The following ADGRE1 variants were observed in gnomAD, a reference collection of about 807,000 sequenced individuals.
ADGRE1 encodes EGF-like module receptor 1.
In ADGRE1, 82 loss-of-function variants were observed where a neutral mutation model predicts 102.7. That is an observed-to-expected ratio of 0.80 (90% CI 0.67 to 0.96). ADGRE1 has a LOEUF of 0.96. ADGRE1 is among the 40% of genes least tolerant of loss of function. The probability of loss-of-function intolerance (pLI) is 0.00; values close to 1 mark genes in which losing one functional copy is unlikely to be tolerated. For missense variants in ADGRE1, 1,032 were observed against 1,085.3 expected, an observed-to-expected ratio of 0.95 and a Z score of 0.69; for synonymous variants, 398 against 399.6, an observed-to-expected ratio of 1.00 and a Z score of 0.05.
intron 1 of ADGRE1, 22 bp downstream of exon 1, chr19:6,887,661 G>A (rs1355684718): frequency 6.2e-7 from 1 of 1,605,752 alleles, no homozygotes. Flanking sequence ...GCTGAATGGG[G>A]GGCTAGGGGA....
intron 10 of ADGRE1, among the ~76,000 whole-genome samples, chr19:6,910,830 C>A (rs1225129323): frequency 1.3e-5 from 2 of 152,096 alleles, no homozygotes; most frequent in Admixed American, 6.6e-5. Context: ...ACCTCAGCCT[C>A]CCAAAGTGCT....
At chr19:6,934,217 G>A (rs1350224024) in intron 17 of ADGRE1, among the ~76,000 whole-genome samples, 3 of 152,096 alleles carry the variant, frequency 2.0e-5, no homozygotes, top group Non-Finnish European at 4.4e-5. Context: ...TGGCTAACTA[G>A]GAGCGGGGTA....
In ADGRE1 at chr19:6,906,404, T is replaced by C. The variant is rs778529376; in HGVS notation, c.950-29T>C. ...ATCTTATTTTGCTGAGGTTGAAGTTTGGTTTGGTTGCTGTTGTTTTCTTCC... is the reference window on the plus strand; with the variant it reads ...ATCTTATTTTGCTGAGGTTGAAGTTCGGTTTGGTTGCTGTTGTTTTCTTCC... On this transcript the variant is annotated intron_variant, in intron 8 of 20. Transcript: ENST00000312053. The C allele has an allele frequency of 9.3e-5, 147 of 1,581,636 alleles. 3 individuals carry two copies. In the South Asian group the frequency reaches 1.6e-3, roughly 17 times the overall value.
In ADGRE1 at chr19:6,897,423, C is replaced by T; in HGVS notation, c.395-5C>T. On this transcript the variant is annotated splice_region_variant and splice_polypyrimidine_tract_variant and intron_variant, in intron 4 of 20. Coordinates refer to ENST00000312053, the MANE Select transcript of ADGRE1 (RefSeq NM_001974.5). The stretch of plus-strand genomic sequence containing the variant: ...ATCTGCTCACCCTCTTCCACTGCTT[C>T]TCAGATATCAATGAGTGCCTCACCA... The T allele has an allele frequency of 6.3e-7, 1 of 1,593,236 alleles. No homozygotes were observed. The highest frequency in any genetic ancestry group is 2.2e-5 in the East Asian group (1 of 44,648).
rs112661687 is a variant in ADGRE1, at chr19:6,916,552, T to C, written c.1420+184T>C. 8.1e-3 allele frequency among the ~76,000 whole-genome samples: 1,235 copies of C among 152,204 alleles called. 21 individuals carry two copies. The highest frequency in any genetic ancestry group is 0.028 in the African/African-American group (1,161 of 41,544). ...CAAACATTAAATAACCTTATAATAC[T>C]GGAGTACTGAGACCTTCACTGGCCT... On this transcript the variant is annotated intron_variant, in intron 12 of 20. Coordinates refer to ENST00000312053, the MANE Select transcript of ADGRE1 (RefSeq NM_001974.5).
At chr19:6,931,747 G>A (rs1158670520) in intron 17 of ADGRE1, among the ~76,000 whole-genome samples, 3 of 151,158 alleles carry the variant, frequency 2.0e-5, no homozygotes, top group Non-Finnish European at 4.4e-5. Flanking sequence ...GCAGTGAGCC[G>A]AGATAACATC....
intron 9 of ADGRE1, 28 bp from the exon 10 acceptor site, chr19:6,908,661 G>C (rs761622048): frequency 3.1e-6 from 4 of 1,282,898 alleles, no homozygotes; most frequent in African/African-American, 3.2e-5. Flanking sequence ...GCTCACAAAT[G>C]CTCTTTTTTT....
At chr19:6,931,795 C>CAA (rs60340459) in intron 17 of ADGRE1, among the ~76,000 whole-genome samples, 2 of 145,878 alleles carry the variant, frequency 1.4e-5, no homozygotes, top group Non-Finnish European at 3.0e-5. Context: ...GAGACTGTCT[C>CAA]AAAAAAAAGA....
At chr19:6,920,244 T>TGTTTTA (rs777225544) in intron 13 of ADGRE1, among the ~76,000 whole-genome samples, 1 of 147,894 alleles carries the variant, frequency 6.8e-6, no homozygotes, top group African/African-American at 2.5e-5. Context: ...TTTTTTTTTT[T>TGTTTTA]AGTCTCACTC....
intron 12 of ADGRE1, among the ~76,000 whole-genome samples, chr19:6,917,158 T>TA (rs34657189): frequency 0.2 from 30,156 of 152,172 alleles, 3,082 homozygotes; most frequent in Middle Eastern, 0.31. Context: ...AAACTTTATT[T>TA]AAAAAAGTAG....
chr19:6,927,555 G>A (rs1282495078), intron 16 of ADGRE1, among the ~76,000 whole-genome samples: 3 of 152,176 alleles, frequency 2.0e-5, no homozygotes, highest in Non-Finnish European at 4.4e-5. Flanking sequence ...AGCTCTGCTA[G>A]ATGGATACCA....
At chr19:6,927,136 T>A (rs1974950906) in intron 16 of ADGRE1, among the ~76,000 whole-genome samples, 1 of 152,104 alleles carries the variant, frequency 6.6e-6, no homozygotes, top group Non-Finnish European at 1.5e-5. Flanking sequence ...AAGCAGCTAA[T>A]GTACACTAGA....
chr19:6,893,364 A>T (rs1973443171), intron 2 of ADGRE1, among the ~76,000 whole-genome samples: 1 of 151,118 alleles, frequency 6.6e-6, no homozygotes, highest in African/African-American at 2.4e-5. Flanking sequence ...TGCCTGGCTA[A>T]TTTTTTTTTA....
At chr19:6,887,758 A>G (rs976322957) in intron 1 of ADGRE1, 119 bp downstream of exon 1, 3 of 1,066,640 alleles carry the variant, frequency 2.8e-6, no homozygotes, top group African/African-American at 1.6e-5. Flanking sequence ...TGGATGCTGC[A>G]AACACCTTCA....
intron 5 of ADGRE1, among the ~76,000 whole-genome samples, chr19:6,900,432 C>T (rs1267125852): frequency 6.6e-6 from 1 of 152,162 alleles, no homozygotes; most frequent in Non-Finnish European, 1.5e-5. Flanking sequence ...CTGCAGTGCA[C>T]TATGCTTGCA....
chr19:6,903,786 C>G (rs1161336200), intron 6 of ADGRE1, 24 bp from the exon 7 acceptor site: 9 of 1,611,850 alleles, frequency 5.6e-6, no homozygotes, highest in African/African-American at 2.7e-5. Flanking sequence ...CAACTTGGCT[C>G]CACACCCATT....
chr19:6,889,687 C>CAAAAAAAAA (rs1178774112), intron 1 of ADGRE1, among the ~76,000 whole-genome samples: 3 of 41,766 alleles, frequency 7.2e-5, no homozygotes, highest in African/African-American at 3.0e-4. Context: ...GACTCCATCT[C>CAAAAAAAAA]AAAAAAAAAA....
At chr19:6,921,140 G>C (rs978967146) in intron 13 of ADGRE1, among the ~76,000 whole-genome samples, 1 of 152,096 alleles carries the variant, frequency 6.6e-6, no homozygotes, top group Non-Finnish European at 1.5e-5. Context: ...ACAAAAATTA[G>C]CTGGATATGG....
rs1973869183 is a variant in ADGRE1, at chr19:6,904,202, T to C, written c.949+20T>C. The C allele has an allele frequency of 1.2e-6, 2 of 1,610,116 alleles. No homozygotes were observed. Among genetic ancestry groups the C allele is most frequent in the Non-Finnish European group, 1.7e-6 (2 of 1,178,756 alleles). ...GCCAAAGTAATAATCTCTTTGTATG[T>C]CTTGGCAATGGAATCTGTTTCTGGC... On this transcript the variant is annotated intron_variant, in intron 8 of 20. Coordinates refer to ENST00000312053, the MANE Select transcript of ADGRE1 (RefSeq NM_001974.5).
Sources: gnomAD v4.1 joint callset for allele counts (sites outside exome capture counted in the v4.1 genomes callset) on GRCh38, gnomAD v4.1.1 for gene constraint, MANE v1.5 for transcripts, NCBI Gene and HGNC (gene_info 2026-07-23, HGNC 2026-07-21) for gene names.